Variants in CPEB3 observed in about 807,000 individuals in gnomAD.
The protein encoded by CPEB3 is cytoplasmic polyadenylation element binding protein 3.
CPEB3 carries 20 observed loss-of-function variants against 67.2 expected under a neutral mutation model. The observed-to-expected ratio is 0.30, with a 90% CI of 0.21 to 0.43. The LOEUF (loss-of-function observed/expected upper bound fraction) is 0.43, where lower values mean the gene tolerates loss of function less well. Among genes scored for constraint, CPEB3 ranks in the 20% least tolerant of loss-of-function variants. CPEB3 has a pLI of 1.00. For missense variants in CPEB3, 746 were observed against 968.6 expected, an observed-to-expected ratio of 0.77 and a Z score of 3.05; for synonymous variants, 376 against 393.1, an observed-to-expected ratio of 0.96 and a Z score of 0.51.
intron 2 of CPEB3, among the ~76,000 whole-genome samples, chr10:92,235,173 T>C (rs1851467534): frequency 6.6e-6 from 1 of 152,138 alleles, no homozygotes. Flanking sequence ...ATATTTAGAA[T>C]GCACTGTATG....
intron 8 of CPEB3, among the ~76,000 whole-genome samples, chr10:92,087,077 A>C (rs1417138258): frequency 6.6e-6 from 1 of 152,232 alleles, no homozygotes; most frequent in Admixed American, 6.5e-5. Flanking sequence ...TAGGGTTATA[A>C]TATACTCCTG....
intron 1 of CPEB3, among the ~76,000 whole-genome samples, chr10:92,261,636 G>A (rs7908721): frequency 0.68 from 103,058 of 151,898 alleles, 36,725 homozygotes; most frequent in African/African-American, 0.9. Flanking sequence ...TTTAGTAGAG[G>A]CAAGGTTTCA....
intron 2 of CPEB3, among the ~76,000 whole-genome samples, chr10:92,219,072 G>A (rs561172667): frequency 3.3e-5 from 5 of 152,144 alleles, no homozygotes; most frequent in East Asian, 1.9e-4. Context: ...AAGTGTCTTC[G>A]GGGCATCATG....
chr10:92,137,411 T>C, intron 6 of CPEB3: 1 of 1,120,172 alleles, frequency 8.9e-7, no homozygotes, highest in South Asian at 1.6e-5. Flanking sequence ...GCTGATGAAA[T>C]GTTAAGCCAT....
intron 1 of CPEB3, among the ~76,000 whole-genome samples, chr10:92,282,565 G>A (rs544210332): frequency 6.6e-6 from 1 of 152,220 alleles, no homozygotes; most frequent in African/African-American, 2.4e-5. Context: ...GCGCGTGCCT[G>A]TAATCCCAAA....
intron 1 of CPEB3, among the ~76,000 whole-genome samples, chr10:92,289,730 A>T (rs866852240): frequency 3.8e-4 from 43 of 114,292 alleles, no homozygotes; most frequent in South Asian, 2.8e-3. Flanking sequence ...AAAAAAAAAA[A>T]AAATATATAT....
chr10:92,072,394 G>A (rs550068763), intron 9 of CPEB3, among the ~76,000 whole-genome samples: 4 of 152,024 alleles, frequency 2.6e-5, no homozygotes, highest in South Asian at 4.2e-4. Context: ...GCCTTTGGAC[G>A]TATGATTAGG....
chr10:92,106,814 C>CAAAAAAAAAAAAAAAAAAAAAAGAAAA (rs1844482936), intron 7 of CPEB3, among the ~76,000 whole-genome samples: 1 of 55,974 alleles, frequency 1.8e-5, no homozygotes, highest in Non-Finnish European at 3.0e-5. Flanking sequence ...GACTCTGTCT[C>CAAAAAAAAAAAAAAAAAAAAAAGAAAA]AAAAAAAAAA....
chr10:92,264,926 G>A (rs1045825350), intron 1 of CPEB3, among the ~76,000 whole-genome samples: 4 of 152,014 alleles, frequency 2.6e-5, no homozygotes. Context: ...AGCACTTTGG[G>A]AGGCCAAGGT....
At chr10:92,213,033 G>A (rs1435861662) in intron 2 of CPEB3, among the ~76,000 whole-genome samples, 1 of 152,192 alleles carries the variant, frequency 6.6e-6, no homozygotes, top group Admixed American at 6.5e-5. Flanking sequence ...TATAGACAGA[G>A]TTCATGGTAA....
Position 92,192,629 on chromosome 10 carries a change from C to T in CPEB3, c.1013G>A (p.Ser338Asn). 2 of 1,587,806 alleles carry T rather than the reference C, an allele frequency of 1.3e-6. No homozygotes were observed. Among genetic ancestry groups the T allele is most frequent in the Admixed American group, 3.7e-5 (2 of 54,676 alleles). Residue 338 changes from serine to asparagine, a missense_variant, in exon 3 of 10, where the codon AGT (serine) becomes AAT (asparagine). Around this residue, in one of 2 missense-constraint regions of CPEB3, gnomAD observed 643 missense variants for 717.5 expected, o/e 0.90. Coordinates refer to ENST00000265997, the MANE Select transcript of CPEB3 (RefSeq NM_014912.5). ...GNNLLPFQDR[S>N]RPYDTFNLHS... ...CAAGTTAAAAGTATCATAGGGCCTA[C>T]TCCGGTCCTAAGAATAAAAACAAAA...
At chr10:92,053,296 C>A (rs1052244043) in intron 9 of CPEB3, among the ~76,000 whole-genome samples, 1 of 152,044 alleles carries the variant, frequency 6.6e-6, no homozygotes. Context: ...AAAAAAGTTA[C>A]CACGTTCTCA....
At position 92,240,154 on chromosome 10, in the gene CPEB3, T is replaced by C. The variant is rs1056314270; in HGVS notation, c.197A>G (p.Asn66Ser). 1 of 1,557,190 alleles carries C rather than the reference T, an allele frequency of 6.4e-7. No individual in the cohort carries two copies. The highest frequency in any genetic ancestry group is 8.7e-7 in the Non-Finnish European group (1 of 1,150,058). The stretch of plus-strand genomic sequence containing the variant: ...TTCCATCTGCATCTTGTCCGGGCCG[T>C]TGGGGGCCGGGGGGGCAGCGGCTGG... ...LSPAAAPPAP[N>S]GPDKMQMESP... Residue 66 changes from asparagine to serine, a missense_variant, in exon 2 of 10, where the codon AAC (asparagine) becomes AGC (serine). Asn to Ser is a conservative substitution (Grantham distance 46, BLOSUM62 1). Transcript: ENST00000265997.
At chr10:92,129,499 CTGGGATGGTTCTGCTGTTCTGT>C (rs1205573257) in intron 6 of CPEB3, among the ~76,000 whole-genome samples, 2 of 152,100 alleles carry the variant, frequency 1.3e-5, no homozygotes, top group Non-Finnish European at 2.9e-5. Flanking sequence ...GTTGGTTCTG[CTGGGATGGTTCTGCTGTTCTGT>C]TGGGATTATT....
intron 1 of CPEB3, among the ~76,000 whole-genome samples, chr10:92,289,357 T>C (rs1433430458): frequency 6.6e-6 from 1 of 151,704 alleles, no homozygotes; most frequent in African/African-American, 2.4e-5. Context: ...GGTCAACATA[T>C]AGTGAAACCC....
chr10:92,191,268 G>A (rs969773032), intron 3 of CPEB3, among the ~76,000 whole-genome samples: 3 of 151,842 alleles, frequency 2.0e-5, no homozygotes, highest in Admixed American at 6.6e-5. Context: ...AGGGCGAGGT[G>A]GCGGGCACCT....
intron 9 of CPEB3, among the ~76,000 whole-genome samples, chr10:92,069,548 C>A (rs1467602496): frequency 6.6e-6 from 1 of 152,054 alleles, no homozygotes; most frequent in African/African-American, 2.4e-5. Flanking sequence ...GCATTATAGG[C>A]ACGTACCACT....
At chr10:92,222,854 T>C (rs1461487023) in intron 2 of CPEB3, among the ~76,000 whole-genome samples, 1 of 152,128 alleles carries the variant, frequency 6.6e-6, no homozygotes, top group Non-Finnish European at 1.5e-5. Context: ...TTTATACCCA[T>C]TTAGAAAACT....
At chr10:92,086,038 G>A (rs1226546755) in intron 8 of CPEB3, among the ~76,000 whole-genome samples, 1 of 152,112 alleles carries the variant, frequency 6.6e-6, no homozygotes, top group Non-Finnish European at 1.5e-5. Flanking sequence ...ACATTTCAAA[G>A]CCAGCTAAGG....
Sources: gnomAD v4.1 joint callset for allele counts (sites outside exome capture counted in the v4.1 genomes callset) on GRCh38, gnomAD v4.1.1 for gene constraint, gnomAD v4.1.1 regional missense constraint, MANE v1.5 for transcripts, NCBI Gene and HGNC (gene_info 2026-07-23, HGNC 2026-07-21) for gene names.